Variants in ROR1 observed in about 807,000 individuals in gnomAD.
ROR1 encodes the protein ROR family WNT receptor 1, also known as inactive tyrosine-protein kinase transmembrane receptor ROR1.
Under a neutral mutation model 78.8 loss-of-function variants are expected in ROR1, and 19 were observed. The ratio of observed to expected loss-of-function variants is 0.24; its 90% CI spans 0.17 to 0.35. ROR1 has a LOEUF of 0.35. ROR1 is among the 10% of genes least tolerant of loss of function. The probability of loss-of-function intolerance (pLI) is 1.00; values close to 1 mark genes in which losing one functional copy is unlikely to be tolerated. For missense variants in ROR1, 917 were observed against 1,177.8 expected (o/e 0.78, Z 3.24); for synonymous variants, 386 against 433.6 (o/e 0.89, Z 1.36).
chr1:63,890,698 G>A (rs1645388260), intron 1 of ROR1, among the ~76,000 whole-genome samples: 1 of 152,022 alleles, frequency 6.6e-6, no homozygotes, highest in Admixed American at 6.6e-5. Flanking sequence ...GGTGGTGGTG[G>A]AGGAGTTTCA....
At chr1:64,053,544 T>C (rs1481655385) in intron 4 of ROR1, among the ~76,000 whole-genome samples, 1 of 152,202 alleles carries the variant, frequency 6.6e-6, no homozygotes, top group East Asian at 1.9e-4. Context: ...GGGGCATGAG[T>C]ACAAGCAGAG....
At chr1:63,926,370 C>T (rs1056421869) in intron 1 of ROR1, among the ~76,000 whole-genome samples, 10 of 152,082 alleles carry the variant, frequency 6.6e-5, no homozygotes, top group Non-Finnish European at 1.0e-4. Flanking sequence ...TTCCATTGAT[C>T]TATATCTCTG....
chr1:63,982,417 C>A (rs1646217629), intron 1 of ROR1, among the ~76,000 whole-genome samples: 1 of 152,182 alleles, frequency 6.6e-6, no homozygotes, highest in African/African-American at 2.4e-5. Context: ...CACGGGCCTA[C>A]AAAAACACTG....
At chr1:63,815,383 T>C (rs922193560) in intron 1 of ROR1, among the ~76,000 whole-genome samples, 4 of 152,102 alleles carry the variant, frequency 2.6e-5, no homozygotes, top group African/African-American at 9.7e-5. Flanking sequence ...TTTTTGTTTC[T>C]GGGTGGTGGA....
In ROR1 at chr1:63,801,295, GT is replaced by G. The variant is rs536966049; in HGVS notation, c.91+26792del. ...ATGTGGCTGTATTTATGGGTATCAT[GT>G]TTTTGGTCTTTTTTTTGAGACAGAG... On this transcript the variant is annotated intron_variant, in intron 1 of 8. Transcript: ENST00000371079. 7.2e-5 allele frequency among the ~76,000 whole-genome samples: 11 copies of G among 152,098 alleles called. No homozygotes were observed. The East Asian group carries it at 2.1e-3, about 29-fold the overall frequency.
At chr1:64,103,437 T>C (rs906674655) in intron 4 of ROR1, among the ~76,000 whole-genome samples, 6 of 152,198 alleles carry the variant, frequency 3.9e-5, no homozygotes, top group Admixed American at 2.0e-4. Flanking sequence ...AAGCTGCTTA[T>C]TTAAAGGGAA....
chr1:63,845,851 T>C (rs954046789), intron 1 of ROR1, among the ~76,000 whole-genome samples: 2 of 152,224 alleles, frequency 1.3e-5, no homozygotes, highest in Non-Finnish European at 2.9e-5. Context: ...ATGTCACAGA[T>C]GAGGAATTTA....
At chr1:63,880,614 A>G (rs1645315839) in intron 1 of ROR1, among the ~76,000 whole-genome samples, 1 of 152,180 alleles carries the variant, frequency 6.6e-6, no homozygotes, top group Non-Finnish European at 1.5e-5. Context: ...ATCTGAATCT[A>G]GTAAACTTAC....
At chr1:63,988,170 G>A (rs1383663619) in intron 1 of ROR1, among the ~76,000 whole-genome samples, 2 of 152,182 alleles carry the variant, frequency 1.3e-5, no homozygotes, top group Non-Finnish European at 2.9e-5. Context: ...TACAAACAAT[G>A]AGAGAATCTG....
chr1:64,015,167 G>T (rs934098562), intron 2 of ROR1, among the ~76,000 whole-genome samples: 1 of 151,918 alleles, frequency 6.6e-6, no homozygotes, highest in South Asian at 2.1e-4. Flanking sequence ...TCACTATCAC[G>T]TGAACAACAC....
At chr1:64,057,391 A>G (rs1170207081) in intron 4 of ROR1, among the ~76,000 whole-genome samples, 1 of 152,264 alleles carries the variant, frequency 6.6e-6, no homozygotes, top group Non-Finnish European at 1.5e-5. Flanking sequence ...ATCAGGAAAT[A>G]TGAGTACTCT....
At chr1:63,847,612 C>T (rs79334805) in intron 1 of ROR1, among the ~76,000 whole-genome samples, 2,728 of 152,112 alleles carry the variant, frequency 0.018, 94 homozygotes, top group African/African-American at 0.062. Flanking sequence ...GTCTGCCCTG[C>T]GAGGCTGGGT....
intron 8 of ROR1, among the ~76,000 whole-genome samples, chr1:64,165,960 C>T (rs576519393): frequency 6.6e-5 from 10 of 152,240 alleles, no homozygotes; most frequent in Admixed American, 2.0e-4. Context: ...CCTGCCTTGG[C>T]CTCCCAAAGT....
At chr1:63,886,098 T>C (rs1645354979) in intron 1 of ROR1, among the ~76,000 whole-genome samples, 2 of 152,152 alleles carry the variant, frequency 1.3e-5, no homozygotes, top group African/African-American at 4.8e-5. Flanking sequence ...ATCCCTCGCA[T>C]GCGCAGTTCA....
At chr1:63,803,528 T>A (rs535775857) in intron 1 of ROR1, among the ~76,000 whole-genome samples, 17 of 152,220 alleles carry the variant, frequency 1.1e-4, no homozygotes, top group African/African-American at 3.6e-4. Context: ...ATATTTTTAG[T>A]AGAGATGGGG....
intron 4 of ROR1, among the ~76,000 whole-genome samples, chr1:64,083,689 C>G (rs1004966552): frequency 6.6e-6 from 1 of 151,462 alleles, no homozygotes; most frequent in African/African-American, 2.4e-5. Flanking sequence ...AGATTTTAAA[C>G]GGAAGAGAGA....
intron 4 of ROR1, among the ~76,000 whole-genome samples, chr1:64,066,220 A>G (rs1284764967): frequency 6.6e-6 from 1 of 152,164 alleles, no homozygotes; most frequent in African/African-American, 2.4e-5. Context: ...CCGTTAAAAT[A>G]TAACATGATG....
At chr1:64,014,735 G>T (rs1250975336) in intron 2 of ROR1, among the ~76,000 whole-genome samples, 3 of 10,458 alleles carry the variant, frequency 2.9e-4, no homozygotes, top group Admixed American at 1.7e-3. Context: ...ATACACATAC[G>T]CACACTATAT....
intron 1 of ROR1, among the ~76,000 whole-genome samples, chr1:63,817,884 G>A (rs1245241016): frequency 2.0e-5 from 3 of 152,216 alleles, no homozygotes; most frequent in South Asian, 2.1e-4. Flanking sequence ...TTGGCAGTAC[G>A]GCTCATGGGA....
Sources: allele counts gnomAD v4.1 joint callset (sites outside exome capture counted in the v4.1 genomes callset), GRCh38; gene constraint gnomAD v4.1.1; transcripts MANE v1.5; gene names NCBI Gene and HGNC (gene_info 2026-07-23, HGNC 2026-07-21).